The following NR3C2 variants were observed in gnomAD, a reference collection of about 807,000 sequenced individuals.
NR3C2 encodes nuclear receptor subfamily 3 group C member 2.
Under a neutral mutation model 86.4 loss-of-function variants are expected in NR3C2, and 15 were observed. The ratio of observed to expected loss-of-function variants is 0.17; its 90% CI spans 0.12 to 0.27. NR3C2 has a LOEUF of 0.27. Ranked by LOEUF, NR3C2 falls within the 10% of genes least tolerant of loss-of-function variation. The pLI, the probability that NR3C2 is intolerant of heterozygous loss-of-function variation, is 1.00. For synonymous variants in NR3C2, 458 were observed against 450.5 expected (o/e 1.02, Z -0.21); for missense variants, 960 against 1,195.6 (o/e 0.80, Z 2.91).
At chr4:148,083,195 G>T (rs113079633) in intron 8 of NR3C2, among the ~76,000 whole-genome samples, 8,267 of 152,292 alleles carry the variant, frequency 0.054, 292 homozygotes, top group Non-Finnish European at 0.077. Context: ...GAAGAGAGCA[G>T]TGGTTCTCCC....
At chr4:148,340,498 C>T (rs67632846) in intron 2 of NR3C2, among the ~76,000 whole-genome samples, 25,242 of 152,030 alleles carry the variant, frequency 0.17, 2,533 homozygotes, top group Non-Finnish European at 0.22. Context: ...ATTGAACTAA[C>T]AACTTAAATC....
At position 148,398,434 on chromosome 4, in the gene NR3C2, T is replaced by C. The variant is rs1041949307; in HGVS notation, c.1757+36670A>G. ...CCCTTAAAGTATCCAAGTAGATATATAAAATATCACTTCTGTGAAACCACT... is the reference window on the plus strand; with the variant it reads ...CCCTTAAAGTATCCAAGTAGATATACAAAATATCACTTCTGTGAAACCACT... On this transcript the variant is annotated intron_variant, in intron 2 of 8. Transcript: ENST00000358102. Among the ~76,000 whole-genome samples the C allele has an allele frequency of 1.1e-4, 16 of 152,352 alleles. No individual in the cohort carries two copies. The East Asian group carries it at 1.5e-3, about 15-fold the overall frequency.
At chr4:148,152,866 C>T (rs1320217172) in intron 5 of NR3C2, among the ~76,000 whole-genome samples, 1 of 152,178 alleles carries the variant, frequency 6.6e-6, no homozygotes, top group Non-Finnish European at 1.5e-5. Context: ...CAAAGTTCAG[C>T]AAGTTTCAGT....
At chr4:148,411,950 T>G (rs1748728443) in intron 2 of NR3C2, among the ~76,000 whole-genome samples, 1 of 152,222 alleles carries the variant, frequency 6.6e-6, no homozygotes, top group Non-Finnish European at 1.5e-5. Context: ...CTGCACATTT[T>G]AGGGAGACAG....
intron 2 of NR3C2, among the ~76,000 whole-genome samples, chr4:148,330,146 A>C (rs1744159515): frequency 6.6e-6 from 1 of 152,236 alleles, no homozygotes; most frequent in Admixed American, 6.5e-5. Flanking sequence ...GAAAAAAATA[A>C]CAGGCCTTTT....
At chr4:148,158,534 T>C (rs562130322) in intron 4 of NR3C2, among the ~76,000 whole-genome samples, 1 of 152,340 alleles carries the variant, frequency 6.6e-6, no homozygotes, top group African/African-American at 2.4e-5. Flanking sequence ...CCCCATAATT[T>C]TGTAAGCATT....
In NR3C2 at chr4:148,436,143, T is replaced by A; in HGVS notation, c.718A>T (p.Asn240Tyr). ...TQGTPLTCSP[N>Y]VENRGSRSHS... The stretch of plus-strand genomic sequence containing the variant: ...GACCTGGAGCCTCGATTTTCAACAT[T>A]AGGGGAGCATGTCAGAGGAGTTCCC... Residue 240 changes from asparagine to tyrosine, a missense_variant, in exon 2 of 9, where the codon AAT (asparagine) becomes TAT (tyrosine). This residue lies in a region of NR3C2 where 680 missense variants were observed against 719.0 expected (regional missense o/e 0.95). Transcript: ENST00000358102. 7.4e-6 allele frequency: 12 copies of A among 1,614,134 alleles called. No homozygotes were observed. Among genetic ancestry groups the A allele is most frequent in the Non-Finnish European group, 1.0e-5 (12 of 1,180,030 alleles).
At chr4:148,223,288 C>T (rs952094020) in intron 3 of NR3C2, among the ~76,000 whole-genome samples, 1 of 152,160 alleles carries the variant, frequency 6.6e-6, no homozygotes, top group East Asian at 1.9e-4. Context: ...CGCTTACAGC[C>T]AAGACTCAGC....
rs1553940177 is a variant in NR3C2, at chr4:148,412,841, A to ACACACC, written c.1757+22262_1757+22263insGGTGTG. ...TGTGCGCACACACACACACACACAC[A>ACACACC]CCCCTTAGTTATGCTTCATCCCAAA... On this transcript the variant is annotated intron_variant, in intron 2 of 8. Coordinates refer to ENST00000358102, the MANE Select transcript of NR3C2 (RefSeq NM_000901.5). Among the ~76,000 whole-genome samples, 43 of 151,232 alleles carry ACACACC rather than the reference A, an allele frequency of 2.8e-4. 1 individual carries two copies. The East Asian group carries it at 4.3e-3, about 15-fold the overall frequency.
At chr4:148,440,263 T>TG (rs1242876545) in intron 1 of NR3C2, among the ~76,000 whole-genome samples, 2 of 152,350 alleles carry the variant, frequency 1.3e-5, no homozygotes, top group East Asian at 3.9e-4. Context: ...TAATTAGTCT[T>TG]TTCTGTAAAC....
Position 148,081,032 on chromosome 4 carries a change from ACTT to A in NR3C2, c.*309_*311del, listed in dbSNP as rs1182019056. On this transcript the variant is annotated 3_prime_UTR_variant, in exon 9 of 9. Coordinates refer to ENST00000358102, the MANE Select transcript of NR3C2 (RefSeq NM_000901.5). ...CCAGAAACTACACGGCATAGTTAAAACTTCTTCCATCTGTGAAAATATCAAAAT... is the reference window on the plus strand; with the variant it reads ...CCAGAAACTACACGGCATAGTTAAAACTTCCATCTGTGAAAATATCAAAAT... The A allele has an allele frequency of 7.4e-6, 3 of 404,732 alleles. No homozygotes were observed. The highest frequency in any genetic ancestry group is 1.4e-5 in the Non-Finnish European group (3 of 213,298). 25.1% of individuals were successfully genotyped at this position (404,732 alleles called of 1,614,324 possible).
rs766854335 is a variant in NR3C2, at chr4:148,435,163, C to A, written c.1698G>T (p.Leu566=). 3.7e-6 allele frequency: 6 copies of A among 1,614,196 alleles called. 1 individual carries two copies. In the South Asian group the frequency reaches 6.6e-5, roughly 18 times the overall value. The change falls in exon 2 of 9, where the codon CTG becomes CTT. Residue 566 remains leucine (L), a synonymous_variant. Transcript: ENST00000358102. ...GATACCCATCACTTCTTCTAGACGA[C>A]AGGTCGCCGTGTGATTTCCATGACT... The part of the protein sequence containing the change: ...LVESWKSHGD[L]SSRRSDGYPV...
chr4:148,420,937 A>C (rs1306657932), intron 2 of NR3C2, among the ~76,000 whole-genome samples: 6 of 152,150 alleles, frequency 3.9e-5, no homozygotes, highest in Admixed American at 6.5e-5. Flanking sequence ...AGATGCCTCC[A>C]TGCTTCCTGT....
At chr4:148,095,501 T>C (rs1731238116) in intron 8 of NR3C2, among the ~76,000 whole-genome samples, 1 of 152,212 alleles carries the variant, frequency 6.6e-6, no homozygotes, top group East Asian at 1.9e-4. Flanking sequence ...TGGCAGGCTC[T>C]CTGAGTGGGT....
chr4:148,264,562 A>G (rs1310788294), intron 2 of NR3C2, among the ~76,000 whole-genome samples: 1 of 152,226 alleles, frequency 6.6e-6, no homozygotes, highest in Admixed American at 6.5e-5. Flanking sequence ...GAGGCTCACT[A>G]AGGAGGCCTG....
At chr4:148,286,977 T>C (rs1402472476) in intron 2 of NR3C2, among the ~76,000 whole-genome samples, 1 of 152,206 alleles carries the variant, frequency 6.6e-6, no homozygotes. Context: ...TCCTGTTTGC[T>C]AGTGGCAGAA....
chr4:148,110,499 A>G (rs2149724886), intron 8 of NR3C2, among the ~76,000 whole-genome samples: 1 of 152,340 alleles, frequency 6.6e-6, no homozygotes, highest in Non-Finnish European at 1.5e-5. Flanking sequence ...TGTTCCCTTG[A>G]AGAAAATTCC....
chr4:148,329,943 G>A (rs1744150642), intron 2 of NR3C2, among the ~76,000 whole-genome samples: 1 of 152,214 alleles, frequency 6.6e-6, no homozygotes, highest in African/African-American at 2.4e-5. Context: ...CACTTGAGCA[G>A]TTCCATGTCT....
chr4:148,261,179 G>A (rs535391475), intron 2 of NR3C2, among the ~76,000 whole-genome samples: 2 of 152,298 alleles, frequency 1.3e-5, no homozygotes, highest in South Asian at 4.1e-4. Flanking sequence ...GTGCACTATG[G>A]TCAGCGCTAT....
Sources: gnomAD v4.1 joint callset for allele counts (sites outside exome capture counted in the v4.1 genomes callset) on GRCh38, gnomAD v4.1.1 for gene constraint, gnomAD v4.1.1 regional missense constraint, MANE v1.5 for transcripts, NCBI Gene and HGNC (gene_info 2026-07-23, HGNC 2026-07-21) for gene names.